The following CPLANE1 variants were observed in gnomAD, a reference collection of about 807,000 sequenced individuals.
CPLANE1 encodes the protein ciliogenesis and planar polarity effector 1.
A neutral mutation model predicts 362.5 loss-of-function variants in CPLANE1; 263 were observed. That is an observed-to-expected ratio of 0.73 (90% CI 0.66 to 0.80). The LOEUF (loss-of-function observed/expected upper bound fraction) is 0.80. Ranked by LOEUF, CPLANE1 falls within the 30% of genes least tolerant of loss-of-function variation. The probability of loss-of-function intolerance (pLI) is 0.00; values close to 1 mark genes in which losing one functional copy is unlikely to be tolerated. For synonymous variants in CPLANE1, 1,212 were observed against 1,302.6 expected, an observed-to-expected ratio of 0.93 and a Z score of 1.50; for missense variants, 3,461 against 3,793.4, an observed-to-expected ratio of 0.91 and a Z score of 2.30.
chr5:37,232,116 T>C (rs531696067), intron 8 of CPLANE1, among the ~76,000 whole-genome samples: 7 of 152,286 alleles, frequency 4.6e-5, no homozygotes, highest in African/African-American at 1.4e-4. Context: ...ATTCTCCTAC[T>C]CTGTAATTTT....
At chr5:37,212,574 A>C (rs1384091463) in intron 16 of CPLANE1, among the ~76,000 whole-genome samples, 1 of 152,186 alleles carries the variant, frequency 6.6e-6, no homozygotes, top group Non-Finnish European at 1.5e-5. Context: ...TATGTGCAGC[A>C]CTAAGAATAC....
chr5:37,248,257 A>T (rs1184378214), intron 1 of CPLANE1, among the ~76,000 whole-genome samples: 4 of 151,720 alleles, frequency 2.6e-5, no homozygotes, highest in African/African-American at 4.8e-5. Flanking sequence ...CCTCCCGAGT[A>T]GCTGGGATTA....
At position 37,226,695 on chromosome 5, in the gene CPLANE1, G is replaced by A; in HGVS notation, c.1900C>T (p.Leu634Phe). The A allele has an allele frequency of 6.4e-7, 1 of 1,550,688 alleles. No homozygotes were observed. The highest frequency in any genetic ancestry group is 8.7e-7 in the Non-Finnish European group (1 of 1,146,576). ...TGATGAAAAAGTTGAAAGATACAAAGTATCCATGCATTATGTCTTGAGCTT... is the reference window on the plus strand; with the variant it reads ...TGATGAAAAAGTTGAAAGATACAAAATATCCATGCATTATGTCTTGAGCTT... ...SKSSRHNAWI[L>F]CIFQLFHQCL... The change falls in exon 12 of 53, where the codon CTT (leucine) becomes TTT (phenylalanine). Residue 634 changes from leucine to phenylalanine, a missense_variant. By Grantham distance (22) the Leu-to-Phe change is conservative. Transcript: ENST00000651892.
At chr5:37,168,721 T>C (rs1224560306) in intron 34 of CPLANE1, 70 bp downstream of exon 34, 4 of 1,279,908 alleles carry the variant, frequency 3.1e-6, no homozygotes, top group Non-Finnish European at 4.4e-6. Flanking sequence ...TCAGTGACCA[T>C]ACAGTACTTA....
intron 38 of CPLANE1, among the ~76,000 whole-genome samples, chr5:37,159,735 T>C (rs1007293743): frequency 6.6e-6 from 1 of 152,184 alleles, no homozygotes; most frequent in East Asian, 1.9e-4. Flanking sequence ...AAAATAAAAA[T>C]ACTGAAATCA....
chr5:37,144,653 C>T (rs558459301), intron 43 of CPLANE1, among the ~76,000 whole-genome samples: 2 of 151,528 alleles, frequency 1.3e-5, no homozygotes, highest in African/African-American at 4.8e-5. Flanking sequence ...AGATCAAGAC[C>T]ATCCTGGCTA....
chr5:37,092,223 T>G, the CPLANE1 span, among the ~76,000 whole-genome samples: 1 of 152,194 alleles, frequency 6.6e-6, no homozygotes, highest in African/African-American at 2.4e-5. Flanking sequence ...GGTCCCTCAG[T>G]AATGGCATAC....
At position 37,245,487 on chromosome 5, in the gene CPLANE1, G is replaced by C; in HGVS notation, c.329C>G (p.Ala110Gly). The C allele has an allele frequency of 6.8e-7, 1 of 1,473,398 alleles. No homozygotes were observed. 91.3% of individuals were successfully genotyped at this position (1,473,398 alleles called of 1,614,324 possible). Residue 110 changes from alanine (A) to glycine (G), a missense_variant, in exon 4 of 53, where the codon GCT becomes GGT. By Grantham distance (60) the Ala-to-Gly change is moderately conservative. Around this residue, in one of 2 missense-constraint regions of CPLANE1, gnomAD observed 3,380 missense variants for 3,666.1 expected, o/e 0.92. Transcript: ENST00000651892. ...ITEKPKEMIK[A>G]TVASSLRLYL... Reference sequence around the variant, plus strand: ...AATAAAAAAATTCCCACCGACTGTAGCTTTGATCATTTCCTTAGGCTTTTC... The same window carrying C: ...AATAAAAAAATTCCCACCGACTGTACCTTTGATCATTTCCTTAGGCTTTTC...
At position 37,187,060 on chromosome 5, in the gene CPLANE1, C is replaced by CA. The variant is rs61112118; in HGVS notation, c.4080+353dup. The stretch of plus-strand genomic sequence containing the variant: ...TGGGTGACAGAGCGAGACTCCGTCT[C>CA]AAAAAAAAAAAAAAAAAAAAAAAAA... On this transcript the variant is annotated intron_variant, in intron 23 of 52. Coordinates refer to ENST00000651892, the MANE Select transcript of CPLANE1 (RefSeq NM_001384732.1). 9.4e-3 allele frequency among the ~76,000 whole-genome samples: 474 copies of CA among 50,338 alleles called. 36 individuals are homozygous for CA. The highest frequency in any genetic ancestry group is 0.018 in the East Asian group (32 of 1,738). The allele number at this position is 50,338 out of a possible 152,430, so 33.0% of individuals were successfully genotyped here.
Position 37,183,590 on chromosome 5 carries a change from A to G in CPLANE1, c.4591T>C (p.Ser1531Pro). Reference protein sequence around the residue: ...PTKKEDHEKLSQNTLPVIGVW... With the variant: ...PTKKEDHEKLPQNTLPVIGVW... ...CCTATTACAGGAAGTGTATTTTGTG[A>G]TAACTTTTCATGATCTTCTTTCTTT... Residue 1531 changes from serine to proline, a missense_variant, in exon 26 of 53, where the codon TCA becomes CCA. Ser to Pro is a moderately conservative substitution (Grantham distance 74). This residue lies in a region of CPLANE1 where 3,380 missense variants were observed against 3,666.1 expected (regional missense o/e 0.92). Transcript: ENST00000651892. 3.7e-6 allele frequency: 6 copies of G among 1,612,444 alleles called. No individual in the cohort carries two copies. The highest frequency in any genetic ancestry group is 4.2e-6 in the Non-Finnish European group (5 of 1,179,020).
intron 44 of CPLANE1, chr5:37,140,094 A>C: frequency 1.1e-6 from 1 of 907,012 alleles, no homozygotes. Context: ...AGTCTTGTCC[A>C]GTATTAACTA....
intron 8 of CPLANE1, among the ~76,000 whole-genome samples, chr5:37,237,438 G>A (rs1411911773): frequency 1.3e-5 from 2 of 152,170 alleles, no homozygotes; most frequent in African/African-American, 4.8e-5. Flanking sequence ...AGGCATTGGA[G>A]ACTACTAAAA....
chr5:37,213,614 A>G lies in CPLANE1; in HGVS notation c.2865T>C (p.Leu955=), dbSNP rs1257589590. ...FMAAYFTNQQ[L]CILPPHHVNV... ...TCACATGATGAGGGGGCAAAATGCA[A>G]AGCTGCTGATTGGTGAAATAGGCAG... Residue 955 remains leucine, a synonymous_variant, in exon 16 of 53, where the codon CTT becomes CTC. Coordinates refer to ENST00000651892, the MANE Select transcript of CPLANE1 (RefSeq NM_001384732.1). The G allele has an allele frequency of 3.9e-6, 6 of 1,548,480 alleles. No individual in the cohort carries two copies. The highest frequency in any genetic ancestry group is 5.2e-6 in the Non-Finnish European group (6 of 1,144,926).
intron 1 of CPLANE1, 53 bp from the exon 2 acceptor site, chr5:37,247,798 ATTT>A (rs11320255): frequency 3.4e-3 from 3,513 of 1,025,606 alleles, no homozygotes; most frequent in Middle Eastern, 8.7e-3. Flanking sequence ...TTCACTGGGC[ATTT>A]TTTTTTTTTT....
At position 37,145,907 on chromosome 5, in the gene CPLANE1, C is replaced by G. The variant is rs563598049; in HGVS notation, c.8461+2274G>C. 3.3e-5 allele frequency among the ~76,000 whole-genome samples: 5 copies of G among 152,180 alleles called. No individual in the cohort carries two copies. The South Asian group carries it at 1.0e-3, about 32-fold the overall frequency. On this transcript the variant is annotated intron_variant, in intron 43 of 52. Transcript: ENST00000651892. ...ATGAAATCTAGGTACATGCTGGACA[C>G]AAATACAACATAATCAAACAGCCTG...
chr5:37,175,097 C>A lies in CPLANE1; in HGVS notation c.5978+812G>T, dbSNP rs144103960. ...GAAGGGGGAATGGGTTTCAGGCTGA[C>A]CCCTCTTCAGGCATTCCTAGTAAAG... On this transcript the variant is annotated intron_variant, in intron 31 of 52. Transcript: ENST00000651892. Among the ~76,000 whole-genome samples the A allele has an allele frequency of 1.8e-3, 276 of 152,322 alleles. 1 individual carries two copies. The highest frequency in any genetic ancestry group is 6.3e-3 in the African/African-American group (262 of 41,572).
intron 12 of CPLANE1, among the ~76,000 whole-genome samples, chr5:37,225,852 CAAAAAAAAAAA>C (rs70976285): frequency 1.9e-4 from 11 of 57,778 alleles, no homozygotes; most frequent in Non-Finnish European, 3.0e-4. Flanking sequence ...TACTCCATCT[CAAAAAAAAAAA>C]AAAAAAAAAA....
the CPLANE1 span, among the ~76,000 whole-genome samples, chr5:37,076,315 CT>C: frequency 6.6e-4 from 100 of 150,722 alleles, no homozygotes; most frequent in Non-Finnish European, 8.9e-4. Context: ...TGATGTCAAA[CT>C]TTTTTTTTCT....
At chr5:37,190,915 C>T (rs542571659) in intron 21 of CPLANE1, among the ~76,000 whole-genome samples, 3 of 152,258 alleles carry the variant, frequency 2.0e-5, no homozygotes, top group East Asian at 1.9e-4. Context: ...TAATAAACAA[C>T]TGTTACTGGT....
Sources: gnomAD v4.1 joint callset for allele counts (sites outside exome capture counted in the v4.1 genomes callset) on GRCh38, gnomAD v4.1.1 for gene constraint, gnomAD v4.1.1 regional missense constraint, MANE v1.5 for transcripts, NCBI Gene and HGNC (gene_info 2026-07-23, HGNC 2026-07-21) for gene names.